The following EPHA5 variants were observed in gnomAD, a reference collection of about 807,000 sequenced individuals.
EPHA5 encodes the protein ephrin type-A receptor 5.
Under a neutral mutation model 105.0 loss-of-function variants are expected in EPHA5, and 60 were observed. The observed-to-expected ratio is 0.57, with a 90% confidence interval of 0.46 to 0.71. EPHA5 has a LOEUF of 0.71. Ranked by LOEUF, EPHA5 falls within the 30% of genes least tolerant of loss-of-function variation. The pLI is 0.00. For missense variants in EPHA5, 1,218 were observed against 1,274.7 expected, an observed-to-expected ratio of 0.96 and a Z score of 0.68; for synonymous variants, 513 against 449.1, an observed-to-expected ratio of 1.14 and a Z score of -1.80.
chr4:65,557,169 AC>A (rs1398791748), intron 3 of EPHA5, among the ~76,000 whole-genome samples: 1 of 144,496 alleles, frequency 6.9e-6, no homozygotes, highest in Admixed American at 7.1e-5. Flanking sequence ...AGATTTGGGG[AC>A]GGGGCATGGT....
intron 11 of EPHA5, among the ~76,000 whole-genome samples, chr4:65,363,817 A>G (rs1717576418): frequency 6.6e-6 from 1 of 151,574 alleles, no homozygotes; most frequent in African/African-American, 2.4e-5. Flanking sequence ...TTCCCCTCAG[A>G]TAGAATACAG....
chr4:65,553,116 T>G (rs1455956347), intron 3 of EPHA5, among the ~76,000 whole-genome samples: 3 of 152,090 alleles, frequency 2.0e-5, no homozygotes, highest in Admixed American at 6.6e-5. Flanking sequence ...AATACTTCTC[T>G]GAGTGGGGTA....
In EPHA5 at chr4:65,601,821, G is replaced by A. The variant is rs2149438189; in HGVS notation, c.730C>T (p.Pro244Ser). 1.9e-6 allele frequency: 3 copies of A among 1,614,078 alleles called. No individual in the cohort carries two copies. The highest frequency in any genetic ancestry group is 2.5e-6 in the Non-Finnish European group (3 of 1,179,996). ...PSVVRHLAVF[P>S]DTITGADSSQ... ...GAATCAGCTCCAGTGATGGTGTCAG[G>A]GAAGACAGCCAAGTGTCGTACCACA... The change falls in exon 3 of 17, where the codon CCT becomes TCT. Residue 244 changes from proline to serine, a missense_variant. Pro to Ser is a moderately conservative substitution (Grantham distance 74). This residue lies in a region of EPHA5 where 971 missense variants were observed against 1,013.5 expected (regional missense o/e 0.96). Transcript: ENST00000613740.
intron 3 of EPHA5, among the ~76,000 whole-genome samples, chr4:65,534,947 G>A (rs1159414697): frequency 2.0e-4 from 31 of 152,256 alleles, no homozygotes; most frequent in South Asian, 2.1e-4. Context: ...GAAATGGACA[G>A]CCAGGTAAAA....
chr4:65,331,139 T>C, intron 16 of EPHA5: 1 of 1,033,626 alleles, frequency 9.7e-7, no homozygotes, highest in Non-Finnish European at 1.2e-6. Context: ...TATTTTAACC[T>C]TTGAATTGGC....
At chr4:65,576,498 A>G (rs1251105866) in intron 3 of EPHA5, among the ~76,000 whole-genome samples, 3 of 152,178 alleles carry the variant, frequency 2.0e-5, no homozygotes, top group Non-Finnish European at 4.4e-5. Context: ...TGGTTTTTGA[A>G]CACAAACACA....
chr4:65,475,621 T>A (rs972046958), intron 5 of EPHA5, among the ~76,000 whole-genome samples: 2 of 152,152 alleles, frequency 1.3e-5, no homozygotes, highest in African/African-American at 4.8e-5. Context: ...TCTATGCATA[T>A]CAATTTACAA....
intron 1 of EPHA5, among the ~76,000 whole-genome samples, chr4:65,657,898 CAAAAAAAA>C (rs58539913): frequency 7.7e-5 from 9 of 117,438 alleles, no homozygotes; most frequent in East Asian, 2.5e-4. Flanking sequence ...TTGGTATATG[CAAAAAAAA>C]AAAAAAAAAA....
At chr4:65,576,349 T>C (rs1159321410) in intron 3 of EPHA5, among the ~76,000 whole-genome samples, 1 of 152,192 alleles carries the variant, frequency 6.6e-6, no homozygotes, top group Non-Finnish European at 1.5e-5. Flanking sequence ...GTAGGTGGAA[T>C]GTGCAAATAT....
intron 1 of EPHA5, among the ~76,000 whole-genome samples, chr4:65,663,964 G>T (rs1749756142): frequency 6.6e-6 from 1 of 151,818 alleles, no homozygotes; most frequent in Non-Finnish European, 1.5e-5. Context: ...AGAACATTTT[G>T]CATATGTTAA....
At chr4:65,506,128 G>T (rs1002289156) in intron 3 of EPHA5, among the ~76,000 whole-genome samples, 7 of 152,070 alleles carry the variant, frequency 4.6e-5, no homozygotes, top group African/African-American at 1.2e-4. Context: ...GCAATAGTTT[G>T]CTGAGAATGA....
intron 5 of EPHA5, among the ~76,000 whole-genome samples, chr4:65,428,665 T>C (rs1287150018): frequency 6.6e-6 from 1 of 152,064 alleles, no homozygotes. Context: ...AAATGCACCA[T>C]TCAGTATAGT....
Position 65,323,891 on chromosome 4 carries a change from C to G in EPHA5, c.*223G>C, listed in dbSNP as rs966752847. The G allele has an allele frequency of 5.2e-6, 2 of 386,106 alleles. No individual in the cohort carries two copies. Among genetic ancestry groups the G allele is most frequent in the African/African-American group, 4.2e-5 (2 of 47,874 alleles). The allele number at this position is 386,106 out of a possible 1,614,324, so 23.9% of individuals were successfully genotyped here. ...TAAGATGATGTCTAACTTCATGTCC[C>G]TTTTAATGCAAGATATGTTTGCTTC... is the stretch of plus-strand genomic sequence containing the variant. On this transcript the variant is annotated 3_prime_UTR_variant, in exon 17 of 17. Coordinates refer to ENST00000613740, the MANE Select transcript of EPHA5 (RefSeq NM_001281766.3).
chr4:65,348,934 G>A (rs1722555992), intron 13 of EPHA5, among the ~76,000 whole-genome samples: 1 of 146,078 alleles, frequency 6.8e-6, no homozygotes, highest in Admixed American at 7.0e-5. Flanking sequence ...TCATACTTCA[G>A]CCTCCCGAGT....
At chr4:65,626,196 A>AAT (rs1746145651) in intron 2 of EPHA5, among the ~76,000 whole-genome samples, 1 of 152,192 alleles carries the variant, frequency 6.6e-6, no homozygotes, top group African/African-American at 2.4e-5. Flanking sequence ...TTTAGAAAAA[A>AAT]ATGGATTATG....
At chr4:65,582,794 C>T (rs147844648) in intron 3 of EPHA5, among the ~76,000 whole-genome samples, 78 of 151,690 alleles carry the variant, frequency 5.1e-4, no homozygotes, top group African/African-American at 1.8e-3. Flanking sequence ...ACTCAAAAGT[C>T]TGCAAAGGTA....
At chr4:65,502,241 A>G (rs183147882) in intron 3 of EPHA5, among the ~76,000 whole-genome samples, 3 of 151,838 alleles carry the variant, frequency 2.0e-5, no homozygotes, top group Non-Finnish European at 4.4e-5. Context: ...TAACAAAAAC[A>G]AAAATGAAAA....
At chr4:65,569,548 G>A (rs1321529904) in intron 3 of EPHA5, among the ~76,000 whole-genome samples, 1 of 151,408 alleles carries the variant, frequency 6.6e-6, no homozygotes, top group African/African-American at 2.4e-5. Context: ...CTTGAATCTG[G>A]ACCAGATAAA....
chr4:65,576,078 G>GAAA (rs1356520486), intron 3 of EPHA5, among the ~76,000 whole-genome samples: 1 of 53,510 alleles, frequency 1.9e-5, no homozygotes, highest in Non-Finnish European at 3.8e-5. Flanking sequence ...GAAAAGAAAA[G>GAAA]AAAAGAAAAG....
Sources: gnomAD v4.1 joint callset for allele counts (sites outside exome capture counted in the v4.1 genomes callset) on GRCh38, gnomAD v4.1.1 for gene constraint, gnomAD v4.1.1 regional missense constraint, MANE v1.5 for transcripts, NCBI Gene and HGNC (gene_info 2026-07-23, HGNC 2026-07-21) for gene names.